The following PPL variants were observed in gnomAD, a reference collection of about 807,000 sequenced individuals.
PPL encodes 190 kDa paraneoplastic pemphigus antigen.
A neutral mutation model predicts 194.4 loss-of-function variants in PPL; 198 were observed. The ratio of observed to expected loss-of-function variants is 1.02; its 90% CI spans 0.91 to 1.15. The LOEUF is 1.15. PPL is among the 50% of genes most tolerant of loss of function. The pLI is 0.00. For missense variants in PPL, 2,885 were observed against 2,294.8 expected, an observed-to-expected ratio of 1.26 and a Z score of -5.25; for synonymous variants, 1,220 against 972.4, an observed-to-expected ratio of 1.25 and a Z score of -4.74.
chr16:4,930,003 A>T (rs1156782400), intron 1 of PPL, among the ~76,000 whole-genome samples: 1 of 152,094 alleles, frequency 6.6e-6, no homozygotes, highest in African/African-American at 2.4e-5. Flanking sequence ...TTTCCAATAC[A>T]TAGACACATC....
chr16:4,907,340 ACACACACACACACACG>A (rs2088710311), intron 2 of PPL, among the ~76,000 whole-genome samples: 1 of 147,102 alleles, frequency 6.8e-6, no homozygotes. Context: ...ACACACACAC[ACACACACACACACACG>A]GACAGATACA....
intron 1 of PPL, among the ~76,000 whole-genome samples, chr16:4,917,527 G>T (rs1442428600): frequency 6.6e-6 from 1 of 152,154 alleles, no homozygotes; most frequent in Non-Finnish European, 1.5e-5. Context: ...GATTGCTAAG[G>T]GGTATCAGAT....
At chr16:4,925,898 A>C (rs2089146754) in intron 1 of PPL, among the ~76,000 whole-genome samples, 2 of 152,216 alleles carry the variant, frequency 1.3e-5, no homozygotes, top group African/African-American at 2.4e-5. Context: ...CACCCAGGGA[A>C]GCAGAGTGAT....
chr16:4,909,629 A>AT (rs1376472344), intron 2 of PPL, among the ~76,000 whole-genome samples: 4 of 151,364 alleles, frequency 2.6e-5, no homozygotes, highest in Non-Finnish European at 5.9e-5. Flanking sequence ...GTTTCACCAC[A>AT]TTGGCCAGTC....
At chr16:4,889,221 G>A (rs559953889) in intron 18 of PPL, among the ~76,000 whole-genome samples, 160 bp from the exon 19 acceptor site, 1 of 14,824 alleles carries the variant, frequency 6.7e-5, no homozygotes, top group South Asian at 0.014. Context: ...ATTGCAAAAG[G>A]CAGTTTTTTT....
chr16:4,919,932 CAAATT>C (rs2089001619), intron 1 of PPL, among the ~76,000 whole-genome samples: 2 of 151,702 alleles, frequency 1.3e-5, no homozygotes, highest in Admixed American at 1.3e-4. Flanking sequence ...GACCCTGTCT[CAAATT>C]AAAACCAAAA....
intron 1 of PPL, among the ~76,000 whole-genome samples, chr16:4,913,439 G>C (rs1327688543): frequency 6.6e-6 from 1 of 152,146 alleles, no homozygotes; most frequent in Non-Finnish European, 1.5e-5. Context: ...TGGAAGTGAG[G>C]TTACACTACC....
chr16:4,893,777 T>C, intron 12 of PPL, 139 bp from the exon 13 acceptor site: 2 of 658,024 alleles, frequency 3.0e-6, no homozygotes, highest in South Asian at 3.8e-5. Context: ...AAGTGCTCAC[T>C]GTGGCACTGG....
At chr16:4,926,968 T>G (rs754731011) in intron 1 of PPL, among the ~76,000 whole-genome samples, 10 of 151,584 alleles carry the variant, frequency 6.6e-5, no homozygotes, top group Non-Finnish European at 1.0e-4. Context: ...CATTTAGGCC[T>G]TATAATCTAA....
rs764339099 is a variant in PPL at position 4,893,684 on chromosome 16, C to T, written c.1395-46G>A. The T allele has an allele frequency of 8.0e-6, 12 of 1,493,218 alleles. No individual in the cohort carries two copies. In the African/African-American group the frequency reaches 1.2e-4, roughly 16 times the overall value. The allele number at this position is 1,493,218 out of a possible 1,614,324, so 92.5% of individuals were successfully genotyped here. On this transcript the variant is annotated intron_variant, in intron 12 of 21. Transcript: ENST00000345988. ...TGGGAACCTGGGCAGCCCACCACCC[C>T]CTGCACCCACAGAGGCGGGACTGCG...
intron 1 of PPL, among the ~76,000 whole-genome samples, chr16:4,914,644 C>G (rs1328204797): frequency 6.6e-6 from 1 of 152,224 alleles, no homozygotes; most frequent in South Asian, 2.1e-4. Flanking sequence ...AAGTCTTATT[C>G]TTCCTTGGTC....
Position 4,910,919 on chromosome 16 carries a change from G to C in PPL, c.93C>G (p.Ile31Met). 2.5e-6 allele frequency: 4 copies of C among 1,613,334 alleles called. No individual in the cohort carries two copies. The highest frequency in any genetic ancestry group is 2.2e-5 in the East Asian group (1 of 44,858). ...GGTCGGCATTCTTCTGCAGCTGCTC[G>C]ATCAGCTCCGAGAGCTCCTTGTTAG... is the stretch of plus-strand genomic sequence containing the variant. ...SISNKELSEL[I>M]EQLQKNADQV... is the part of the protein sequence containing the mutation. The change falls in exon 2 of 22, where the codon ATC becomes ATG. Residue 31 changes from isoleucine to methionine, a missense_variant. Physicochemically the swap from Ile to Met is conservative, Grantham distance 10. Coordinates refer to ENST00000345988, the MANE Select transcript of PPL (RefSeq NM_002705.5).
chr16:4,884,868 C>T lies in PPL; in HGVS notation c.3787G>A (p.Glu1263Lys), dbSNP rs781484087. The T allele has an allele frequency of 4.2e-5, 68 of 1,613,992 alleles. No individual in the cohort carries two copies. The highest frequency in any genetic ancestry group is 6.7e-5 in the African/African-American group (5 of 74,890). ...TGGTAGATCTCTAAATCACACCTTT[C>T]GATCAGTCTGGTCTTGTCCACGATC... is the stretch of plus-strand genomic sequence containing the variant. ...EEIVDKTRLI[E>K]RCDLEIYQLK... The change falls in exon 22 of 22, where the codon GAA becomes AAA. Residue 1263 changes from glutamate (E) to lysine (K), a missense_variant. Glu to Lys is a moderately conservative substitution (Grantham distance 56). Coordinates refer to ENST00000345988, the MANE Select transcript of PPL (RefSeq NM_002705.5). The surrounding 1 kb of genome is among the most constrained non-coding windows in gnomAD (Gnocchi z 5.7).
chr16:4,894,189 G>A (rs912067112), intron 12 of PPL, among the ~76,000 whole-genome samples: 3 of 152,212 alleles, frequency 2.0e-5, no homozygotes, highest in African/African-American at 7.2e-5. Context: ...TGCAAGTACA[G>A]GGAGCAGTGC....
chr16:4,889,136 G>T (rs2088268009), intron 18 of PPL, 75 bp from the exon 19 acceptor site: 1 of 1,114,210 alleles, frequency 9.0e-7, no homozygotes. Context: ...GCAGTAGCTG[G>T]AAATCTCAGA....
In PPL at chr16:4,892,130, T is replaced by G. The variant is rs141531762; in HGVS notation, c.1734A>C (p.Pro578=). The G allele has an allele frequency of 2.8e-4, 455 of 1,613,664 alleles. No homozygotes were observed. The highest frequency in any genetic ancestry group is 3.8e-4 in the Non-Finnish European group (444 of 1,180,028). Residue 578 remains proline, a synonymous_variant, in exon 15 of 22, where the codon CCA becomes CCC. Coordinates refer to ENST00000345988, the MANE Select transcript of PPL (RefSeq NM_002705.5). The stretch of plus-strand genomic sequence containing the variant: ...TCAGCAGGGGTGTGGTGCCACTGCC[T>G]GGGAGGGCCTGGATGAAGGCTTCGC... ...AEGEAFIQAL[P]GSGTTPLLRT...
chr16:4,890,787 C>T lies in PPL; in HGVS notation c.2103G>A (p.Glu701=), dbSNP rs756259306. Reference sequence around the variant, plus strand: ...GCTGGCCCAGCTTGTGCACCTCGGCCTCCTGGCGCTCCAGGTCCGGACAGT... The same window carrying T: ...GCTGGCCCAGCTTGTGCACCTCGGCTTCCTGGCGCTCCAGGTCCGGACAGT... ...QEHCPDLERQ[E]AEVHKLGQRF... Residue 701 remains glutamate, a synonymous_variant, in exon 17 of 22, where the codon GAG becomes GAA. Coordinates refer to ENST00000345988, the MANE Select transcript of PPL (RefSeq NM_002705.5). 3 of 1,607,502 alleles carry T rather than the reference C, an allele frequency of 1.9e-6. No individual in the cohort carries two copies. Among genetic ancestry groups the T allele is most frequent in the Admixed American group, 3.4e-5 (2 of 59,344 alleles).
At chr16:4,890,038 T>G in intron 18 of PPL, 146 bp downstream of exon 18, 2 of 1,176,544 alleles carry the variant, frequency 1.7e-6, no homozygotes, top group Non-Finnish European at 2.4e-6. Flanking sequence ...GTTGGGAGCT[T>G]GAGCTGAGGC....
At chr16:4,914,352 T>C (rs2142393485) in intron 1 of PPL, among the ~76,000 whole-genome samples, 1 of 152,274 alleles carries the variant, frequency 6.6e-6, no homozygotes, top group South Asian at 2.1e-4. Flanking sequence ...ATTATTACTA[T>C]TTTTGCAGGT....
Sources: gnomAD v4.1 joint callset for allele counts (sites outside exome capture counted in the v4.1 genomes callset) on GRCh38, gnomAD v4.1.1 for gene constraint, Gnocchi (gnomAD v3.1) non-coding constraint, MANE v1.5 for transcripts, NCBI Gene and HGNC (gene_info 2026-07-23, HGNC 2026-07-21) for gene names.